Variants in TSPAN9 observed in about 807,000 individuals in gnomAD.
TSPAN9 encodes the protein tetraspanin 9.
In TSPAN9, 16 loss-of-function variants were observed where a neutral mutation model predicts 31.0. That is an observed-to-expected ratio of 0.52 (90% CI 0.35 to 0.78). The LOEUF is 0.78. Ranked by LOEUF, TSPAN9 falls within the 30% of genes least tolerant of loss-of-function variation. The probability of loss-of-function intolerance (pLI) is 0.01; values close to 1 mark genes in which losing one functional copy is unlikely to be tolerated. For synonymous variants in TSPAN9, 145 were observed against 121.6 expected, an observed-to-expected ratio of 1.19 and a Z score of -1.27; for missense variants, 272 against 312.5, an observed-to-expected ratio of 0.87 and a Z score of 0.98.
At chr12:3,133,401 G>A (rs998164606) in intron 2 of TSPAN9, among the ~76,000 whole-genome samples, 1 of 150,858 alleles carries the variant, frequency 6.6e-6, no homozygotes, top group Non-Finnish European at 1.5e-5. Flanking sequence ...TTTTTTTGCT[G>A]TAAAAAATAA....
chr12:3,136,327 C>G (rs577956160), intron 2 of TSPAN9, among the ~76,000 whole-genome samples: 4 of 152,212 alleles, frequency 2.6e-5, no homozygotes, highest in Non-Finnish European at 4.4e-5. Flanking sequence ...GGATAAGTCA[C>G]GCACCACTCA....
rs573567795 is a variant in TSPAN9, at chr12:3,109,840, A to G, written c.-18+26121A>G. Reference sequence around the variant, plus strand: ...AGACTTTTTAGGGCATAAAACTACAATTTTAAAGAGACCAGAGGAGTTGAT... The same window carrying G: ...AGACTTTTTAGGGCATAAAACTACAGTTTTAAAGAGACCAGAGGAGTTGAT... On this transcript the variant is annotated intron_variant, in intron 2 of 8. Coordinates refer to ENST00000011898, the MANE Select transcript of TSPAN9 (RefSeq NM_006675.5). Among the ~76,000 whole-genome samples the G allele has an allele frequency of 1.4e-4, 22 of 151,972 alleles. No homozygotes were observed. The South Asian group carries it at 4.4e-3, about 30-fold the overall frequency.
intron 3 of TSPAN9, among the ~76,000 whole-genome samples, chr12:3,253,217 G>T (rs771890102): frequency 5.9e-5 from 9 of 152,170 alleles, no homozygotes; most frequent in African/African-American, 2.2e-4. Flanking sequence ...AAGCAGGCCC[G>T]CGTTCCTAAG....
At chr12:3,176,900 C>T (rs116490767) in intron 2 of TSPAN9, among the ~76,000 whole-genome samples, 223 of 152,286 alleles carry the variant, frequency 1.5e-3, no homozygotes, top group African/African-American at 5.2e-3. Context: ...GTGTCAGCTG[C>T]GAGTGAAATG....
intron 2 of TSPAN9, among the ~76,000 whole-genome samples, chr12:3,142,443 G>T (rs932638008): frequency 6.6e-6 from 1 of 152,134 alleles, no homozygotes; most frequent in Non-Finnish European, 1.5e-5. Context: ...CCATTCCCAG[G>T]CTGGCCCTAG....
At chr12:3,263,972 C>T (rs1039310533) in intron 3 of TSPAN9, among the ~76,000 whole-genome samples, 10 of 152,140 alleles carry the variant, frequency 6.6e-5, no homozygotes, top group African/African-American at 2.4e-4. Flanking sequence ...ACCGGGTTTA[C>T]AATGAAGAGC....
chr12:3,139,896 C>A (rs547125560), intron 2 of TSPAN9, among the ~76,000 whole-genome samples: 2 of 152,322 alleles, frequency 1.3e-5, no homozygotes, highest in Non-Finnish European at 1.5e-5. Context: ...CTAGCCCCTG[C>A]AGCTGACCGT....
chr12:3,102,435 ATTTTT>A (rs33918863), intron 2 of TSPAN9, among the ~76,000 whole-genome samples: 11 of 135,252 alleles, frequency 8.1e-5, no homozygotes, highest in Admixed American at 5.9e-4. Flanking sequence ...CCAAGGAGGA[ATTTTT>A]TTTTTTTTTT....
At chr12:3,163,289 C>T (rs547569581) in intron 2 of TSPAN9, among the ~76,000 whole-genome samples, 1 of 152,326 alleles carries the variant, frequency 6.6e-6, no homozygotes, top group East Asian at 1.9e-4. Flanking sequence ...TGTCTATAAG[C>T]CCCATAATTG....
At chr12:3,209,110 C>CTGTAG (rs1555152252) in intron 3 of TSPAN9, among the ~76,000 whole-genome samples, 2 of 151,976 alleles carry the variant, frequency 1.3e-5, no homozygotes, top group Non-Finnish European at 2.9e-5. Flanking sequence ...TGGCGGGTGC[C>CTGTAG]TGTAGTCCCA....
At chr12:3,098,688 C>T (rs2098310335) in intron 2 of TSPAN9, among the ~76,000 whole-genome samples, 1 of 151,368 alleles carries the variant, frequency 6.6e-6, no homozygotes, top group Non-Finnish European at 1.5e-5. Context: ...TTTCATTGTT[C>T]TCAGTGTGAT....
intron 1 of TSPAN9, 58 bp downstream of exon 1, chr12:3,077,511 G>C (rs2098295672): frequency 1.3e-5 from 2 of 152,412 alleles, no homozygotes; most frequent in Middle Eastern, 3.4e-3. Flanking sequence ...GCGGAGTCGC[G>C]CGGCCTTGAG....
intron 2 of TSPAN9, among the ~76,000 whole-genome samples, chr12:3,135,156 C>T (rs1380903671): frequency 2.6e-5 from 4 of 152,134 alleles, no homozygotes; most frequent in East Asian, 3.9e-4. Flanking sequence ...GATCGGAGCT[C>T]ACTGCAGCCT....
intron 3 of TSPAN9, among the ~76,000 whole-genome samples, chr12:3,231,478 G>A (rs1017157517): frequency 3.3e-5 from 5 of 152,188 alleles, no homozygotes; most frequent in Admixed American, 6.5e-5. Context: ...GCGTCACTAC[G>A]GAGAGATGCC....
chr12:3,147,727 A>G lies in TSPAN9; in HGVS notation c.-17-53450A>G, dbSNP rs34855564. 0.066 allele frequency among the ~76,000 whole-genome samples: 10,041 copies of G among 152,306 alleles called. 384 individuals carry two copies. The highest frequency in any genetic ancestry group is 0.14 in the East Asian group (702 of 5,176). On this transcript the variant is annotated intron_variant, in intron 2 of 8. Transcript: ENST00000011898. The surrounding 1 kb of genome is among the most constrained non-coding windows in gnomAD (Gnocchi z 4.3). The stretch of plus-strand genomic sequence containing the variant: ...CAGTTTTAACTTAAAATGGAAATGT[A>G]GGTGGCCACATGTTGCTAGTGGCTG...
At chr12:3,268,754 G>A (rs368211678) in intron 3 of TSPAN9, among the ~76,000 whole-genome samples, 4 of 69,266 alleles carry the variant, frequency 5.8e-5, no homozygotes, top group South Asian at 8.1e-4. Context: ...CCTGCCCTCC[G>A]TGCGTTTCTG....
At chr12:3,094,896 A>C (rs1398675612) in intron 2 of TSPAN9, among the ~76,000 whole-genome samples, 1 of 107,146 alleles carries the variant, frequency 9.3e-6, no homozygotes, top group African/African-American at 3.9e-5. Context: ...TTTTATTGAT[A>C]ATTCTTGGGT....
intron 4 of TSPAN9, 83 bp from the exon 5 acceptor site, chr12:3,278,909 C>T: frequency 6.9e-7 from 1 of 1,457,916 alleles, no homozygotes; most frequent in South Asian, 1.2e-5. Flanking sequence ...CACCTAGGCG[C>T]CGCCTGTCCC....
At chr12:3,193,586 G>A (rs367751552) in intron 2 of TSPAN9, among the ~76,000 whole-genome samples, 33 of 152,340 alleles carry the variant, frequency 2.2e-4, no homozygotes, top group Non-Finnish European at 3.8e-4. Flanking sequence ...AGGGCTGACC[G>A]TAGCCGGGGG....
Sources: gnomAD v4.1 joint callset for allele counts (sites outside exome capture counted in the v4.1 genomes callset) on GRCh38, gnomAD v4.1.1 for gene constraint, Gnocchi (gnomAD v3.1) non-coding constraint, MANE v1.5 for transcripts, NCBI Gene and HGNC (gene_info 2026-07-23, HGNC 2026-07-21) for gene names.